Variants in PTP4A2 observed in about 807,000 individuals in gnomAD.
PTP4A2 encodes the protein protein tyrosine phosphatase type IVA 2.
A neutral mutation model predicts 22.9 loss-of-function variants in PTP4A2; 2 were observed. The ratio of observed to expected loss-of-function variants is 0.09; its 90% CI spans 0.04 to 0.27. PTP4A2 has a LOEUF of 0.27. Ranked by LOEUF, PTP4A2 falls within the 10% of genes least tolerant of loss-of-function variation. The probability of loss-of-function intolerance (pLI) is 1.00; values close to 1 mark genes in which losing one functional copy is unlikely to be tolerated. For synonymous variants in PTP4A2, 68 were observed against 69.1 expected (o/e 0.98, Z 0.08); for missense variants, 103 against 205.1 (o/e 0.50, Z 3.04).
At chr1:31,926,617 G>C (rs1373032491) in intron 1 of PTP4A2, among the ~76,000 whole-genome samples, 1 of 152,136 alleles carries the variant, frequency 6.6e-6, no homozygotes, top group African/African-American at 2.4e-5. Flanking sequence ...TTATCCTCCT[G>C]AAGAGCTAGG....
chr1:31,917,168 T>C (rs1433309176), intron 2 of PTP4A2, among the ~76,000 whole-genome samples: 19 of 152,102 alleles, frequency 1.2e-4, no homozygotes, highest in Non-Finnish European at 2.5e-4. Context: ...AGGTTGAAAA[T>C]AGTACCACAT....
At position 31,915,949 on chromosome 1, in the gene PTP4A2, A is replaced by C; in HGVS notation, c.135T>G (p.Val45=). The change falls in exon 3 of 6, where the codon GTT becomes GTG. Residue 45 remains valine, a synonymous_variant. Coordinates refer to ENST00000647444, the MANE Select transcript of PTP4A2 (RefSeq NM_080391.4). ...KKYGVTTLVR[V]CDATYDKAPV... ...GAGCTTTATCATATGTAGCATCACA[A>C]ACTCGAACCAAAGTCGTCACTCCAT... is the stretch of plus-strand genomic sequence containing the variant. The C allele has an allele frequency of 6.2e-7, 1 of 1,608,470 alleles. No individual in the cohort carries two copies. Among genetic ancestry groups the C allele is most frequent in the East Asian group, 2.2e-5 (1 of 44,610 alleles).
At chr1:31,914,480 T>C (rs753847102) in intron 3 of PTP4A2, 1 of 301,760 alleles carries the variant, frequency 3.3e-6, no homozygotes, top group African/African-American at 2.2e-5. Flanking sequence ...AGGTCATTAT[T>C]CTTTTTGCAT....
chr1:31,907,687 T>C lies in PTP4A2; in HGVS notation c.*1165A>G, dbSNP rs1651253248. On this transcript the variant is annotated 3_prime_UTR_variant, in exon 6 of 6. Coordinates refer to ENST00000647444, the MANE Select transcript of PTP4A2 (RefSeq NM_080391.4). Reference sequence around the variant, plus strand: ...ACAAGCATTTCTCAAGTCGAAAATATGTGAATTTGCTGCTGCTCCTTTGAC... The same window carrying C: ...ACAAGCATTTCTCAAGTCGAAAATACGTGAATTTGCTGCTGCTCCTTTGAC... 2 of 152,120 alleles carry C rather than the reference T, an allele frequency of 1.3e-5. No homozygotes were observed. The highest frequency in any genetic ancestry group is 1.3e-4 in the Admixed American group (2 of 15,272). The allele number at this position is 152,120 out of a possible 1,614,324, so 9.4% of individuals were successfully genotyped here. A position where few individuals can be genotyped will look rare whatever the true frequency, so the allele number is the denominator to read the frequency against.
Position 31,907,032 on chromosome 1 carries a change from G to T in PTP4A2, c.*1820C>A, listed in dbSNP as rs1651208300. On this transcript the variant is annotated 3_prime_UTR_variant, in exon 6 of 6. Coordinates refer to ENST00000647444, the MANE Select transcript of PTP4A2 (RefSeq NM_080391.4). ...ATTATTTTGTTTTGTTTTCTGGGAT[G>T]GGAGAGGAGAGAATCTACAGATTTG... The T allele has an allele frequency of 6.6e-6, 1 of 152,188 alleles. No homozygotes were observed. Among genetic ancestry groups the T allele is most frequent in the African/African-American group, 2.4e-5 (1 of 41,438 alleles). 9.4% of individuals were successfully genotyped at this position (152,188 alleles called of 1,614,324 possible).
At chr1:31,935,960 T>G (rs1161172081) in intron 1 of PTP4A2, among the ~76,000 whole-genome samples, 2 of 151,798 alleles carry the variant, frequency 1.3e-5, no homozygotes, top group Non-Finnish European at 2.9e-5. Context: ...ACGCCTAACT[T>G]TTGTATTTTC....
At chr1:31,913,810 T>C (rs1023085344) in intron 3 of PTP4A2, 3 of 456,176 alleles carry the variant, frequency 6.6e-6, no homozygotes, top group African/African-American at 6.0e-5. Context: ...TCAAACAGAC[T>C]ATGGTCAATC....
chr1:31,910,503 C>T (rs1651480350), intron 4 of PTP4A2: 1 of 158,396 alleles, frequency 6.3e-6, no homozygotes, highest in African/African-American at 2.4e-5. Flanking sequence ...TCCGTGTTAC[C>T]CAGTCTGCTC....
rs111655996 is a variant in PTP4A2, at chr1:31,936,605, C to T, written c.-594+1382G>A. Among the ~76,000 whole-genome samples, 220 of 152,200 alleles carry T rather than the reference C, an allele frequency of 1.4e-3. 1 individual carries two copies. The highest frequency in any genetic ancestry group is 4.8e-3 in the African/African-American group (201 of 41,524). On this transcript the variant is annotated intron_variant, in intron 1 of 5. Transcript: ENST00000647444. ...TATCAAGGTACTACTCTTCAAGAAT[C>T]CCTACTTTTACAACACAAGAATGGG...
At position 31,938,061 on chromosome 1, in the gene PTP4A2, TCGG is replaced by T. The variant is rs959113845; in HGVS notation, c.-671_-669del. The T allele has an allele frequency of 5.0e-4, 74 of 147,726 alleles. No individual in the cohort carries two copies. Among genetic ancestry groups the T allele is most frequent in the Non-Finnish European group, 9.3e-4 (65 of 69,840 alleles). 9.2% of individuals were successfully genotyped at this position (147,726 alleles called of 1,614,324 possible). A position where few individuals can be genotyped will look rare whatever the true frequency, so the allele number is the denominator to read the frequency against. ...GGAGGCGCCTCTCTCCTCAGTCACCTCGGCGGCGGCGGCGGCGGCGGTAGCGGT... is the reference window on the plus strand; with the variant it reads ...GGAGGCGCCTCTCTCCTCAGTCACCTCGGCGGCGGCGGCGGCGGTAGCGGT... On this transcript the variant is annotated 5_prime_UTR_variant, in exon 1 of 6. Transcript: ENST00000647444. This position sits in a 1 kb window ranked among gnomAD's most constrained non-coding sequence, Gnocchi z 4.4.
At chr1:31,911,475 C>T (rs111837618) in intron 4 of PTP4A2, among the ~76,000 whole-genome samples, 2,731 of 152,244 alleles carry the variant, frequency 0.018, 33 homozygotes, top group Non-Finnish European at 0.025. Flanking sequence ...AAAAATAAAA[C>T]ACCCACAATC....
intron 1 of PTP4A2, among the ~76,000 whole-genome samples, chr1:31,925,513 G>A (rs1329780921): frequency 6.6e-6 from 1 of 152,212 alleles, no homozygotes; most frequent in East Asian, 1.9e-4. Context: ...CCAGCACTTT[G>A]GGAGGCCGAG....
In PTP4A2 at chr1:31,908,005, TAAAAAC is replaced by T. The variant is rs1288477242; in HGVS notation, c.*841_*846del. On this transcript the variant is annotated 3_prime_UTR_variant, in exon 6 of 6. Transcript: ENST00000647444. Reference sequence around the variant, plus strand: ...CCATTTCTCCACTAATTTATCAAAATAAAAACAAAACAAAAGGCTCTTGGCTACTTT... The same window carrying T: ...CCATTTCTCCACTAATTTATCAAAATAAAACAAAAGGCTCTTGGCTACTTT... 6.7e-6 allele frequency: 1 copy of T among 148,274 alleles called. No individual in the cohort carries two copies. The highest frequency in any genetic ancestry group is 1.5e-5 in the Non-Finnish European group (1 of 67,182). The allele number at this position is 148,274 out of a possible 1,614,324, so 9.2% of individuals were successfully genotyped here.
rs938339917 is a variant in PTP4A2, at chr1:31,925,521, G to A, written c.-593-5863C>T. Among the ~76,000 whole-genome samples the A allele has an allele frequency of 4.6e-5, 7 of 151,306 alleles. No homozygotes were observed. The East Asian group carries it at 5.9e-4, about 13-fold the overall frequency. On this transcript the variant is annotated intron_variant, in intron 1 of 5. Transcript: ENST00000647444. ...TATAATCCCAGCACTTTGGGAGGCC[G>A]AGTTGGGCAGATCACGAACGAGGTC...
chr1:31,911,839 G>T lies in PTP4A2; in HGVS notation c.190-13C>A, dbSNP rs746001697. 2 of 1,549,084 alleles carry T rather than the reference G, an allele frequency of 1.3e-6. No individual in the cohort carries two copies. Among genetic ancestry groups the T allele is most frequent in the South Asian group, 1.2e-5 (1 of 81,834 alleles). Reference sequence around the variant, plus strand: ...CAAATGGCCAATCCTGAAAAGAAATGACCTTTTACATTAAATTGATATTTT... The same window carrying T: ...CAAATGGCCAATCCTGAAAAGAAATTACCTTTTACATTAAATTGATATTTT... On this transcript the variant is annotated splice_polypyrimidine_tract_variant and intron_variant, in intron 3 of 5. Transcript: ENST00000647444.
intron 4 of PTP4A2, 76 bp from the exon 5 acceptor site, chr1:31,910,188 T>TATGCAG: frequency 9.2e-7 from 1 of 1,086,968 alleles, no homozygotes; most frequent in Non-Finnish European, 1.4e-6. Flanking sequence ...TAACTGCATA[T>TATGCAG]TACCAATGCA....
intron 1 of PTP4A2, among the ~76,000 whole-genome samples, chr1:31,934,466 T>C (rs1652851624): frequency 6.6e-6 from 1 of 152,192 alleles, no homozygotes; most frequent in African/African-American, 2.4e-5. Context: ...TCCATCTTAT[T>C]TGTAAATACA....
At chr1:31,925,287 G>A (rs1482523377) in intron 1 of PTP4A2, among the ~76,000 whole-genome samples, 3 of 152,106 alleles carry the variant, frequency 2.0e-5, no homozygotes, top group Admixed American at 6.5e-5. Context: ...ATCAAACTAC[G>A]TTCTTAACAG....
chr1:31,927,922 C>T (rs1652541113), intron 1 of PTP4A2, among the ~76,000 whole-genome samples: 1 of 152,042 alleles, frequency 6.6e-6, no homozygotes, highest in Non-Finnish European at 1.5e-5. Context: ...TGTCTGAAAA[C>T]TTGTAAACTA....
Sources: allele counts gnomAD v4.1 joint callset (sites outside exome capture counted in the v4.1 genomes callset), GRCh38; gene constraint gnomAD v4.1.1; non-coding constraint Gnocchi (gnomAD v3.1); transcripts MANE v1.5; gene names NCBI Gene and HGNC (gene_info 2026-07-23, HGNC 2026-07-21).